The following PPP3CA variants were observed in gnomAD, a reference collection of about 807,000 sequenced individuals.
The protein encoded by PPP3CA is CAM-PRP catalytic subunit.
In PPP3CA, 14 loss-of-function variants were observed where a neutral mutation model predicts 66.5. That is an observed-to-expected ratio of 0.21 (90% CI 0.14 to 0.33). The LOEUF (loss-of-function observed/expected upper bound fraction) is 0.33, where lower values mean the gene tolerates loss of function less well. Among genes scored for constraint, PPP3CA ranks in the 10% least tolerant of loss-of-function variants. The probability of loss-of-function intolerance (pLI) is 1.00; values close to 1 mark genes in which losing one functional copy is unlikely to be tolerated. For synonymous variants in PPP3CA, 232 were observed against 226.2 expected (o/e 1.03, Z -0.23); for missense variants, 317 against 639.5 (o/e 0.50, Z 5.44).
At chr4:101,238,489 TA>T (rs1560674569) in intron 1 of PPP3CA, among the ~76,000 whole-genome samples, 3 of 151,844 alleles carry the variant, frequency 2.0e-5, no homozygotes, top group East Asian at 3.9e-4. Flanking sequence ...CAAAGCTGAT[TA>T]AAAAAATGGA....
chr4:101,041,617 T>C (rs1334074046), intron 10 of PPP3CA, among the ~76,000 whole-genome samples: 1 of 151,728 alleles, frequency 6.6e-6, no homozygotes, highest in African/African-American at 2.4e-5. Context: ...GTATTTTTAG[T>C]AGAGACAGGC....
intron 2 of PPP3CA, among the ~76,000 whole-genome samples, chr4:101,169,303 C>T (rs1723793497): frequency 6.6e-6 from 1 of 152,142 alleles, no homozygotes; most frequent in African/African-American, 2.4e-5. Context: ...GGATTTAGCA[C>T]AGTGCGTAGA....
intron 1 of PPP3CA, among the ~76,000 whole-genome samples, chr4:101,227,505 C>G (rs1367468499): frequency 1.3e-5 from 2 of 151,762 alleles, no homozygotes; most frequent in Non-Finnish European, 3.0e-5. Flanking sequence ...TTCAATCACA[C>G]TAGTGGTGCT....
At chr4:101,226,936 A>T (rs1725801443) in intron 1 of PPP3CA, among the ~76,000 whole-genome samples, 1 of 151,610 alleles carries the variant, frequency 6.6e-6, no homozygotes. Flanking sequence ...CAGGATAATT[A>T]TTTTTTTATA....
chr4:101,179,212 T>C (rs1724159671), intron 2 of PPP3CA, among the ~76,000 whole-genome samples: 1 of 151,994 alleles, frequency 6.6e-6, no homozygotes, highest in South Asian at 2.1e-4. Flanking sequence ...GTAAGTGTAA[T>C]ATTGGTTCCT....
At chr4:101,152,523 T>A (rs1286319030) in intron 2 of PPP3CA, among the ~76,000 whole-genome samples, 1 of 152,250 alleles carries the variant, frequency 6.6e-6, no homozygotes, top group Non-Finnish European at 1.5e-5. Context: ...TGTAATGTCA[T>A]AGGCTACTAA....
chr4:101,075,181 C>G (rs1729131979), intron 8 of PPP3CA, among the ~76,000 whole-genome samples: 1 of 152,154 alleles, frequency 6.6e-6, no homozygotes, highest in African/African-American at 2.4e-5. Flanking sequence ...AAGGTGAAAT[C>G]TGGGTGGGGA....
At chr4:101,269,506 T>TTC (rs5860666) in intron 1 of PPP3CA, among the ~76,000 whole-genome samples, 98,228 of 150,296 alleles carry the variant, frequency 0.65, 33,271 homozygotes, top group Non-Finnish European at 0.75. Flanking sequence ...TGGTTTTGTC[T>TTC]TCTTATCATG....
At chr4:101,137,654 G>A (rs1263999163) in intron 2 of PPP3CA, among the ~76,000 whole-genome samples, 1 of 152,110 alleles carries the variant, frequency 6.6e-6, no homozygotes, top group African/African-American at 2.4e-5. Flanking sequence ...TCTGGTCTAG[G>A]TGTCTGCCTG....
intron 2 of PPP3CA, among the ~76,000 whole-genome samples, chr4:101,183,055 A>T (rs1724293271): frequency 6.6e-6 from 1 of 152,170 alleles, no homozygotes; most frequent in African/African-American, 2.4e-5. Flanking sequence ...AAACTAATAC[A>T]GTATTAGAAT....
chr4:101,110,707 C>T (rs1001680904), intron 2 of PPP3CA, among the ~76,000 whole-genome samples: 15 of 151,900 alleles, frequency 9.9e-5, no homozygotes, highest in African/African-American at 3.4e-4. Flanking sequence ...CAAATAAATC[C>T]ATATTCTGAG....
intron 10 of PPP3CA, among the ~76,000 whole-genome samples, chr4:101,053,835 A>T (rs1211237247): frequency 2.0e-5 from 3 of 152,016 alleles, no homozygotes; most frequent in Non-Finnish European, 4.4e-5. Context: ...AGGTCTTTTG[A>T]ACGGTTCCTT....
chr4:101,191,549 A>G (rs1359138573), intron 2 of PPP3CA, among the ~76,000 whole-genome samples: 1 of 152,208 alleles, frequency 6.6e-6, no homozygotes, highest in Non-Finnish European at 1.5e-5. Context: ...AGATTTGGCC[A>G]CTAAAATCAC....
intron 2 of PPP3CA, chr4:101,170,953 C>T: frequency 3.7e-6 from 1 of 272,384 alleles, no homozygotes; most frequent in Non-Finnish European, 7.3e-6. Flanking sequence ...GGCAAATAAT[C>T]ATTTTGGTAT....
intron 1 of PPP3CA, among the ~76,000 whole-genome samples, chr4:101,273,710 A>T (rs975822573): frequency 1.3e-5 from 2 of 152,180 alleles, no homozygotes; most frequent in Non-Finnish European, 2.9e-5. Flanking sequence ...CACTTTTCAA[A>T]AATAAGCTTC....
chr4:101,129,554 A>G (rs577194361), intron 2 of PPP3CA, among the ~76,000 whole-genome samples: 1 of 152,336 alleles, frequency 6.6e-6, no homozygotes, highest in East Asian at 1.9e-4. Context: ...GGAAGGAACA[A>G]GCAGCAATCT....
chr4:101,071,775 C>T (rs572500192), intron 8 of PPP3CA, among the ~76,000 whole-genome samples: 30 of 152,292 alleles, frequency 2.0e-4, no homozygotes, highest in African/African-American at 7.2e-4. Flanking sequence ...GCAAGAATTA[C>T]CTCACACACT....
chr4:101,175,878 C>T (rs1241800868), intron 2 of PPP3CA, among the ~76,000 whole-genome samples: 2 of 152,076 alleles, frequency 1.3e-5, no homozygotes, highest in Admixed American at 1.3e-4. Flanking sequence ...AAACTGAAAA[C>T]ATTCTATTTT....
intron 10 of PPP3CA, among the ~76,000 whole-genome samples, chr4:101,057,220 A>AC (rs1553922064): frequency 0.015 from 2,327 of 151,442 alleles, 59 homozygotes; most frequent in African/African-American, 0.052. Flanking sequence ...ATGCCCACCT[A>AC]TTTTTTTTGT....
Sources: gnomAD v4.1 joint callset for allele counts (sites outside exome capture counted in the v4.1 genomes callset) on GRCh38, gnomAD v4.1.1 for gene constraint, MANE v1.5 for transcripts, NCBI Gene and HGNC (gene_info 2026-07-23, HGNC 2026-07-21) for gene names.